Variants in TSPAN18 observed in about 807,000 individuals in gnomAD.
TSPAN18 encodes the protein tetraspanin 18.
A neutral mutation model predicts 27.3 loss-of-function variants in TSPAN18; 14 were observed. The observed-to-expected ratio is 0.51, with a 90% CI of 0.34 to 0.80. The LOEUF is 0.80. TSPAN18 is among the 30% of genes least tolerant of loss of function. The pLI is 0.01. For synonymous variants in TSPAN18, 143 were observed against 136.5 expected (o/e 1.05, Z -0.33); for missense variants, 268 against 323.9 (o/e 0.83, Z 1.32).
chr11:44,745,854 C>G (rs200047946), intron 1 of TSPAN18, among the ~76,000 whole-genome samples: 3 of 152,112 alleles, frequency 2.0e-5, no homozygotes, highest in Non-Finnish European at 4.4e-5. Context: ...GGTGAAACCC[C>G]GTCTCTACTA....
chr11:44,736,850 G>T (rs1370290976), intron 1 of TSPAN18, among the ~76,000 whole-genome samples: 1 of 152,216 alleles, frequency 6.6e-6, no homozygotes, highest in East Asian at 1.9e-4. Context: ...TTAACTCACA[G>T]GGTTTGATTA....
At chr11:44,811,585 G>A (rs1856717790) in intron 2 of TSPAN18, among the ~76,000 whole-genome samples, 1 of 151,540 alleles carries the variant, frequency 6.6e-6, no homozygotes, top group Non-Finnish European at 1.5e-5. Context: ...TCAGCCTCCC[G>A]AGAAGCTGGG....
intron 2 of TSPAN18, among the ~76,000 whole-genome samples, chr11:44,806,867 T>A (rs112065902): frequency 0.027 from 4,078 of 152,196 alleles, 152 homozygotes; most frequent in African/African-American, 0.081. Flanking sequence ...AAGAGGCATG[T>A]GGTATGTCAG....
chr11:44,907,867 C>T (rs1859511824), intron 4 of TSPAN18, among the ~76,000 whole-genome samples: 1 of 151,972 alleles, frequency 6.6e-6, no homozygotes, highest in Non-Finnish European at 1.5e-5. Flanking sequence ...CCAACCTGGC[C>T]AACATGTTGA....
chr11:44,789,142 G>A (rs1408917197), intron 2 of TSPAN18, among the ~76,000 whole-genome samples: 1 of 152,228 alleles, frequency 6.6e-6, no homozygotes, highest in African/African-American at 2.4e-5. Context: ...CAGGGAGAGA[G>A]TGTTGCATGA....
chr11:44,918,119 C>T, intron 6 of TSPAN18, 73 bp downstream of exon 6: 1 of 1,486,158 alleles, frequency 6.7e-7, no homozygotes, highest in South Asian at 1.1e-5. Flanking sequence ...GGTCTGGCTC[C>T]TCCCCTCCTT....
chr11:44,868,552 G>T (rs1283615174), intron 3 of TSPAN18, among the ~76,000 whole-genome samples: 2 of 152,194 alleles, frequency 1.3e-5, no homozygotes, highest in African/African-American at 2.4e-5. Flanking sequence ...CTTCCTCAGA[G>T]ACCCCAGCCT....
In TSPAN18 at chr11:44,930,489, C is replaced by G. The variant is rs4755919; in HGVS notation, c.*1311C>G. ...CTCTTCTCTCCAGGCTAAAGAATCC[C>G]GAAGGCATCGAGGCCATTTCTGCTG... On this transcript the variant is annotated 3_prime_UTR_variant, in exon 10 of 10. Coordinates refer to ENST00000520358, the MANE Select transcript of TSPAN18 (RefSeq NM_130783.5). The G allele has an allele frequency of 2.1e-5, 5 of 243,348 alleles. No homozygotes were observed. Among genetic ancestry groups the G allele is most frequent in the Non-Finnish European group, 4.1e-5 (5 of 122,194 alleles). The allele number at this position is 243,348 out of a possible 1,614,324, so 15.1% of individuals were successfully genotyped here.
In TSPAN18 at chr11:44,918,000, TGGCA is replaced by T; in HGVS notation, c.289_292del (p.Ala97SerfsTer45). 6.2e-7 allele frequency: 1 copy of T among 1,614,186 alleles called. No homozygotes were observed. On this transcript the variant is annotated frameshift_variant, in exon 6 of 10. Coordinates refer to ENST00000520358, the MANE Select transcript of TSPAN18 (RefSeq NM_130783.5). LOFTEE classifies it high-confidence loss of function. ...TTCCTGTTCATCCTGATCATCTTCC[TGGCA>T]GAGCTCTCAGCAGCCATCCTGGCCT...
At chr11:44,854,195 G>A (rs937926588) in intron 2 of TSPAN18, among the ~76,000 whole-genome samples, 4 of 115,862 alleles carry the variant, frequency 3.5e-5, no homozygotes, top group Non-Finnish European at 5.4e-5. Context: ...CATTGGGGCA[G>A]GGGGTGGGGG....
intron 1 of TSPAN18, among the ~76,000 whole-genome samples, chr11:44,732,846 C>T (rs2134795752): frequency 6.6e-6 from 1 of 152,316 alleles, no homozygotes; most frequent in Admixed American, 6.5e-5. Context: ...CCACAGATGA[C>T]TCTAAAATCT....
chr11:44,727,077 GGCCCC>G lies in TSPAN18; in HGVS notation c.-448_-444del, dbSNP rs1854531374. ...CAGCCCCGGCCCCGGCCCCAGCCCC[GGCCCC>G]GGCCCCGGCCCCGGCCCCGGCCCCG... is the stretch of plus-strand genomic sequence containing the variant. On this transcript the variant is annotated 5_prime_UTR_variant, in exon 1 of 10. Coordinates refer to ENST00000520358, the MANE Select transcript of TSPAN18 (RefSeq NM_130783.5). The G allele has an allele frequency of 8.2e-6, 1 of 122,698 alleles. No individual in the cohort carries two copies. 7.6% of individuals were successfully genotyped at this position (122,698 alleles called of 1,614,324 possible).
chr11:44,920,859 G>T (rs1274374468), intron 8 of TSPAN18, among the ~76,000 whole-genome samples: 1 of 152,216 alleles, frequency 6.6e-6, no homozygotes, highest in Non-Finnish European at 1.5e-5. Context: ...GGACGCGCAA[G>T]ATGAACAAGC....
intron 1 of TSPAN18, among the ~76,000 whole-genome samples, 154 bp from the exon 2 acceptor site, chr11:44,764,272 T>C (rs1855516536): frequency 6.6e-6 from 1 of 152,172 alleles, no homozygotes; most frequent in Non-Finnish European, 1.5e-5. Flanking sequence ...ATTCAAACCA[T>C]ATCACCAGTC....
At chr11:44,817,555 C>T (rs1590523031) in intron 2 of TSPAN18, among the ~76,000 whole-genome samples, 1 of 152,222 alleles carries the variant, frequency 6.6e-6, no homozygotes, top group East Asian at 1.9e-4. Flanking sequence ...AGATTTTCTT[C>T]TCACAGCAAT....
chr11:44,840,424 G>A (rs893259964), intron 2 of TSPAN18, among the ~76,000 whole-genome samples: 2 of 152,182 alleles, frequency 1.3e-5, no homozygotes, highest in South Asian at 4.1e-4. Flanking sequence ...TTTGGCAGGT[G>A]ATCTTGCTTA....
chr11:44,774,207 G>T (rs1490005436), intron 2 of TSPAN18, among the ~76,000 whole-genome samples: 1 of 152,198 alleles, frequency 6.6e-6, no homozygotes, highest in Non-Finnish European at 1.5e-5. Context: ...GGGCTTCTTA[G>T]GAACAGAACA....
chr11:44,841,514 TAAAA>T (rs11353014), intron 2 of TSPAN18, among the ~76,000 whole-genome samples: 1 of 146,976 alleles, frequency 6.8e-6, no homozygotes, highest in Non-Finnish European at 1.5e-5. Context: ...AAATTCCATC[TAAAA>T]AAAAAAAAAG....
intron 2 of TSPAN18, among the ~76,000 whole-genome samples, chr11:44,797,498 G>A (rs1590485748): frequency 6.6e-6 from 1 of 152,268 alleles, no homozygotes; most frequent in East Asian, 1.9e-4. Context: ...GGCGGGGTGG[G>A]GAGGAGTATG....
Sources: allele counts gnomAD v4.1 joint callset (sites outside exome capture counted in the v4.1 genomes callset), GRCh38; gene constraint gnomAD v4.1.1; transcripts MANE v1.5; gene names NCBI Gene and HGNC (gene_info 2026-07-23, HGNC 2026-07-21).